ITGB4: variants seen among roughly 807,000 people sequenced by gnomAD.
The protein encoded by ITGB4 is integrin beta-4.
In ITGB4, 159 loss-of-function variants were observed where a neutral mutation model predicts 207.6. That is an observed-to-expected ratio of 0.77 (90% CI 0.67 to 0.87). The LOEUF is 0.87. ITGB4 is among the 40% of genes least tolerant of loss of function. The pLI is 0.00. For synonymous variants in ITGB4, 1,020 were observed against 1,062.7 expected (o/e 0.96, Z 0.78); for missense variants, 2,278 against 2,546.8 (o/e 0.89, Z 2.27).
Position 75,751,102 on chromosome 17 carries a change from G to A in ITGB4, c.3784G>A (p.Asp1262Asn), listed in dbSNP as rs763660173. The change falls in exon 30 of 40, where the codon GAT (aspartate) becomes AAT (asparagine). Residue 1262 changes from aspartate (D) to asparagine (N), a missense_variant. Transcript: ENST00000200181. ...AYEVCYGLVN[D>N]DNRPIGPMKK... The stretch of plus-strand genomic sequence containing the variant: ...CGAGGTCTGCTATGGCCTGGTCAAC[G>A]ATGACAACCGTAAGAACCAGATCCT... The A allele has an allele frequency of 8.7e-6, 14 of 1,613,410 alleles. No individual in the cohort carries two copies. Among genetic ancestry groups the A allele is most frequent in the South Asian group, 4.4e-5 (4 of 91,088 alleles).
At chr17:75,755,935 C>T (rs1197688421) in intron 35 of ITGB4, 85 bp downstream of exon 35, 1 of 1,494,676 alleles carries the variant, frequency 6.7e-7, no homozygotes, top group Non-Finnish European at 9.0e-7. Flanking sequence ...TCAGCTGTGT[C>T]AGGAACCCAC....
Position 75,736,650 on chromosome 17 carries a change from A to C in ITGB4, c.1946A>C (p.Glu649Ala). 6.3e-7 allele frequency: 1 copy of C among 1,599,874 alleles called. No individual in the cohort carries two copies. The highest frequency in any genetic ancestry group is 8.5e-7 in the Non-Finnish European group (1 of 1,174,436). ...GTGEKKGRTC[E>A]ECNFKVKMVD... ...GGCGAGAAGAAGGGGCGCACGTGTG[A>C]GGAATGCAACTTCAAGGTCAAGATG... The change falls in exon 16 of 40, where the codon GAG becomes GCG. Residue 649 changes from glutamate to alanine, a missense_variant. Glu to Ala is a moderately radical substitution (Grantham distance 107). Coordinates refer to ENST00000200181, the MANE Select transcript of ITGB4 (RefSeq NM_000213.5).
chr17:75,741,608 C>T (rs1437337469), intron 23 of ITGB4, among the ~76,000 whole-genome samples: 1 of 152,002 alleles, frequency 6.6e-6, no homozygotes, highest in African/African-American at 2.4e-5. Flanking sequence ...GAGTTTAAGA[C>T]TAGCCAGGCC....
Position 75,740,756 on chromosome 17 carries a change from C to T in ITGB4, c.2551-37C>T. 1.9e-6 allele frequency: 3 copies of T among 1,610,020 alleles called. No individual in the cohort carries two copies. Among genetic ancestry groups the T allele is most frequent in the Non-Finnish European group, 1.7e-6 (2 of 1,178,162 alleles). ...AGCCTGAGGGCTTGCCACGGGGTGGCCTAGGCCCAGCCTCACGCCCCTCCC... is the reference window on the plus strand; with the variant it reads ...AGCCTGAGGGCTTGCCACGGGGTGGTCTAGGCCCAGCCTCACGCCCCTCCC... On this transcript the variant is annotated intron_variant, in intron 21 of 39. Coordinates refer to ENST00000200181, the MANE Select transcript of ITGB4 (RefSeq NM_000213.5). The surrounding 1 kb of genome is among the most constrained non-coding windows in gnomAD (Gnocchi z 5.9).
intron 17 of ITGB4, 26 bp downstream of exon 17, chr17:75,737,470 G>A (rs2061005264): frequency 6.4e-7 from 1 of 1,553,256 alleles, no homozygotes. Flanking sequence ...CGGGCGCAGG[G>A]AGGGGGCGTG....
chr17:75,749,071 A>C (rs1205414974), intron 27 of ITGB4, 26 bp downstream of exon 27: 2 of 1,588,556 alleles, frequency 1.3e-6, no homozygotes, highest in South Asian at 2.2e-5. Flanking sequence ...GGGTCGGCTT[A>C]AGCAGGAGGA....
rs1568350841 is a variant in ITGB4 at position 75,731,913 on chromosome 17, CT to C, written c.1319del (p.Phe440SerfsTer58). 6.2e-7 allele frequency: 1 copy of C among 1,614,098 alleles called. No individual in the cohort carries two copies. Among genetic ancestry groups the C allele is most frequent in the East Asian group, 2.2e-5 (1 of 44,882 alleles). On this transcript the variant is annotated frameshift_variant, in exon 11 of 40. Coordinates refer to ENST00000200181, the MANE Select transcript of ITGB4 (RefSeq NM_000213.5). LOFTEE classifies it high-confidence loss of function. This position sits in a 1 kb window ranked among gnomAD's most constrained non-coding sequence, Gnocchi z 6.8. ...AGGGCAACATCCATCTGAAACCTTC[CT>C]TCTCCGACGGCCTCAAGATGGACGC... ...QKGNIHLKPS[F>X]SDGLKMDAGI...
In ITGB4 at chr17:75,731,456, G is replaced by A; in HGVS notation, c.1215+88G>A. 1 of 1,375,920 alleles carries A rather than the reference G, an allele frequency of 7.3e-7. No homozygotes were observed. The allele number at this position is 1,375,920 out of a possible 1,614,324, so 85.2% of individuals were successfully genotyped here. A position where few individuals can be genotyped will look rare whatever the true frequency, so the allele number is the denominator to read the frequency against. On this transcript the variant is annotated intron_variant, in intron 10 of 39. Coordinates refer to ENST00000200181, the MANE Select transcript of ITGB4 (RefSeq NM_000213.5). This position sits in a 1 kb window ranked among gnomAD's most constrained non-coding sequence, Gnocchi z 6.8. ...GTTTAAAACAGCGGTCAAGAGCGTGGCCCCTGGAGTCAGGCAGGCCTGGGT... is the reference window on the plus strand; with the variant it reads ...GTTTAAAACAGCGGTCAAGAGCGTGACCCCTGGAGTCAGGCAGGCCTGGGT...
At position 75,739,468 on chromosome 17, in the gene ITGB4, C is replaced by T. The variant is rs1443935474; in HGVS notation, c.2221-204C>T. Among the ~76,000 whole-genome samples, 2 of 152,126 alleles carry T rather than the reference C, an allele frequency of 1.3e-5. No individual in the cohort carries two copies. The highest frequency in any genetic ancestry group is 4.8e-5 in the African/African-American group (2 of 41,420). ...ACCCGGCAGGATGAGAGTTCCACGG[C>T]GCAAACTTTGGGAACCCTCTGCCCC... is the stretch of plus-strand genomic sequence containing the variant. On this transcript the variant is annotated intron_variant, in intron 18 of 39. Transcript: ENST00000200181. The surrounding 1 kb of genome is among the most constrained non-coding windows in gnomAD (Gnocchi z 5.4).
At position 75,742,666 on chromosome 17, in the gene ITGB4, A is replaced by G; in HGVS notation, c.2867A>G (p.Asp956Gly). The G allele has an allele frequency of 6.2e-7, 1 of 1,613,966 alleles. No homozygotes were observed. Among genetic ancestry groups the G allele is most frequent in the Non-Finnish European group, 8.5e-7 (1 of 1,180,032 alleles). Residue 956 changes from aspartate to glycine, a missense_variant, in exon 25 of 40, where the codon GAC (aspartate) becomes GGC (glycine). By Grantham distance (94) the Asp-to-Gly change is moderately conservative. Transcript: ENST00000200181. The surrounding 1 kb of genome is among the most constrained non-coding windows in gnomAD (Gnocchi z 5.9). ...VPLFIRPEDD[D>G]EKQLLVEAID... is the part of the protein sequence containing the mutation. The stretch of plus-strand genomic sequence containing the variant: ...CTCTTTATCCGGCCTGAGGATGACG[A>G]CGAGAAGCAGCTGCTGGTGGAGGCC...
intron 25 of ITGB4, among the ~76,000 whole-genome samples, chr17:75,743,029 C>T (rs1051551970): frequency 1.3e-5 from 2 of 152,130 alleles, no homozygotes; most frequent in African/African-American, 4.8e-5. Context: ...TTGCTCCTCT[C>T]TATCTAGAAA....
At chr17:75,757,344 C>A in intron 39 of ITGB4, 34 bp downstream of exon 39, 1 of 1,612,748 alleles carries the variant, frequency 6.2e-7, no homozygotes, top group Non-Finnish European at 8.5e-7. Flanking sequence ...CCCGGCTCTC[C>A]TGGGACAGGG....
chr17:75,756,909 G>A (rs750220322), intron 37 of ITGB4, 34 bp from the exon 38 acceptor site: 6 of 1,612,064 alleles, frequency 3.7e-6, no homozygotes, highest in South Asian at 3.3e-5. Context: ...GTAAAGAGGG[G>A]GCCGCAGACG....
chr17:75,737,907 C>G (rs539299864), intron 18 of ITGB4, among the ~76,000 whole-genome samples: 71 of 151,846 alleles, frequency 4.7e-4, no homozygotes, highest in African/African-American at 1.7e-3. Context: ...GGGTCTCCAC[C>G]CTCCATCAGG....
chr17:75,733,494 G>GCA lies in ITGB4; in HGVS notation c.1459_1460insCA (p.Gly487AlafsTer12). 6.2e-7 allele frequency: 1 copy of GCA among 1,612,964 alleles called. No individual in the cohort carries two copies. The highest frequency in any genetic ancestry group is 8.5e-7 in the Non-Finnish European group (1 of 1,180,012). On this transcript the variant is annotated frameshift_variant, in exon 13 of 40. Transcript: ENST00000200181. LOFTEE classifies it high-confidence loss of function. Reference sequence around the variant, plus strand: ...AATGACCAGTTCCTCCTTCAGGAGTGGCCAGACCTGCAACTGCTCCACCGG... The same window carrying GCA: ...AATGACCAGTTCCTCCTTCAGGAGTGCAGCCAGACCTGCAACTGCTCCACCGG...
In ITGB4 at chr17:75,748,887, C is replaced by G. The variant is rs775000779; in HGVS notation, c.3158C>G (p.Ala1053Gly). The G allele has an allele frequency of 3.1e-6, 5 of 1,612,894 alleles. No homozygotes were observed. Among genetic ancestry groups the G allele is most frequent in the African/African-American group, 2.7e-5 (2 of 74,884 alleles). ...GAGCTGCTGTTCCAGCCTGGGGAGG[C>G]CTGGAAAGAGCTGCAGGTGAAGCTC... ...EGELLFQPGEAWKELQVKLLE... is the reference protein window; with the variant it reads ...EGELLFQPGEGWKELQVKLLE... The change falls in exon 27 of 40, where the codon GCC becomes GGC. Residue 1053 changes from alanine (A) to glycine (G), a missense_variant. Transcript: ENST00000200181.
At chr17:75,751,627 G>A (rs1343949167) in intron 30 of ITGB4, 1 of 225,066 alleles carries the variant, frequency 4.4e-6, no homozygotes, top group Non-Finnish European at 9.0e-6. Context: ...TGTAGTCCCA[G>A]CTAGTCAGGA....
chr17:75,741,050 G>T (rs748350244), intron 23 of ITGB4, 45 bp downstream of exon 23: 6 of 1,600,702 alleles, frequency 3.7e-6, no homozygotes, highest in African/African-American at 1.3e-5. Flanking sequence ...CTTCCTGCCC[G>T]CCTGTCCCCA....
In ITGB4 at chr17:75,730,363, G is replaced by T; in HGVS notation, c.861G>T (p.Arg287=). 6.2e-7 allele frequency: 1 copy of T among 1,613,886 alleles called. No individual in the cohort carries two copies. Among genetic ancestry groups the T allele is most frequent in the Non-Finnish European group, 8.5e-7 (1 of 1,180,018 alleles). The change falls in exon 8 of 40, where the codon CGG becomes CGT. Residue 287 remains arginine, a synonymous_variant. Transcript: ENST00000200181. Reference sequence around the variant, plus strand: ...GCATCATGAGCCGCAACGATGAACGGTGCCACCTGGACACCACGGGCACCT... The same window carrying T: ...GCATCATGAGCCGCAACGATGAACGTTGCCACCTGGACACCACGGGCACCT... ...LAGIMSRNDE[R]CHLDTTGTYT... is the part of the protein sequence containing the mutation.
Sources: allele counts gnomAD v4.1 joint callset (sites outside exome capture counted in the v4.1 genomes callset), GRCh38; gene constraint gnomAD v4.1.1; non-coding constraint Gnocchi (gnomAD v3.1); transcripts MANE v1.5; gene names NCBI Gene and HGNC (gene_info 2026-07-23, HGNC 2026-07-21).